The following PTP4A1 variants were observed in gnomAD, a reference collection of about 807,000 sequenced individuals.
PTP4A1 encodes protein tyrosine phosphatase 4A1, also known as protein tyrosine phosphatase type IVA 1.
Under a neutral mutation model 20.5 loss-of-function variants are expected in PTP4A1, and 9 were observed. The ratio of observed to expected loss-of-function variants is 0.44; its 90% confidence interval spans 0.26 to 0.77. The LOEUF (loss-of-function observed/expected upper bound fraction) is 0.77. PTP4A1 is among the 30% of genes least tolerant of loss of function. PTP4A1 has a pLI of 0.19. For synonymous variants in PTP4A1, 78 were observed against 67.4 expected, an observed-to-expected ratio of 1.16 and a Z score of -0.77; for missense variants, 137 against 218.8, an observed-to-expected ratio of 0.63 and a Z score of 2.36.
chr6:63,541,296 T>C (rs1321776447), intron 2 of PTP4A1, among the ~76,000 whole-genome samples: 1 of 152,064 alleles, frequency 6.6e-6, no homozygotes, highest in African/African-American at 2.4e-5. Flanking sequence ...TTGGATAATT[T>C]TGCTAAGGAA....
intron 1 of PTP4A1, among the ~76,000 whole-genome samples, chr6:63,572,936 G>C (rs1217169857): frequency 6.6e-6 from 1 of 152,186 alleles, no homozygotes; most frequent in African/African-American, 2.4e-5. Context: ...GGGGCTGCGG[G>C]GTGGCGGTTG....
intron 2 of PTP4A1, among the ~76,000 whole-genome samples, chr6:63,539,138 C>T (rs1028902262): frequency 1.3e-5 from 2 of 152,152 alleles, no homozygotes; most frequent in African/African-American, 4.8e-5. Flanking sequence ...AGGTGGTCCA[C>T]CCACCTTGGC....
chr6:63,526,835 ATTTATT>A (rs1381350205), intron 1 of PTP4A1, among the ~76,000 whole-genome samples: 1 of 129,030 alleles, frequency 7.8e-6, no homozygotes, highest in African/African-American at 3.0e-5. Context: ...ATATATATAT[ATTTATT>A]TATTTATTCT....
At chr6:63,540,045 C>A (rs1775890755) in intron 2 of PTP4A1, among the ~76,000 whole-genome samples, 1 of 152,078 alleles carries the variant, frequency 6.6e-6, no homozygotes, top group African/African-American at 2.4e-5. Context: ...TCTAGAGTTT[C>A]TTGGTCAAAT....
chr6:63,561,704 G>A (rs1173145368), intron 3 of PTP4A1, among the ~76,000 whole-genome samples: 1 of 152,158 alleles, frequency 6.6e-6, no homozygotes, highest in Non-Finnish European at 1.5e-5. Flanking sequence ...CCACAAACAT[G>A]ATACATAAAC....
At chr6:63,521,361 G>C (rs904029431), upstream of PTP4A1, among the ~76,000 whole-genome samples, 2 of 152,154 alleles carry the variant, frequency 1.3e-5, no homozygotes, top group African/African-American at 4.8e-5. Context: ...TTAAAAGTCA[G>C]ACAGATTTCA....
chr6:63,571,691 T>A (rs1318217754), upstream of PTP4A1: 1 of 152,252 alleles, frequency 6.6e-6, no homozygotes, highest in Admixed American at 6.5e-5. Flanking sequence ...AAAGGATGCA[T>A]GTGATTTCGA....
intron 2 of PTP4A1, among the ~76,000 whole-genome samples, chr6:63,528,719 C>T (rs1775303105): frequency 1.3e-5 from 2 of 152,032 alleles, no homozygotes; most frequent in Admixed American, 1.3e-4. Flanking sequence ...GCCAAGATTG[C>T]ACCACTGTAC....
Position 63,581,800 on chromosome 6 carries a change from C to T in PTP4A1, c.*1626C>T, listed in dbSNP as rs924990858. 6.6e-6 allele frequency: 1 copy of T among 152,090 alleles called. No homozygotes were observed. Among genetic ancestry groups the T allele is most frequent in the Non-Finnish European group, 1.5e-5 (1 of 68,000 alleles). The allele number at this position is 152,090 out of a possible 1,614,324, so 9.4% of individuals were successfully genotyped here. A position where few individuals can be genotyped will look rare whatever the true frequency, so the allele number is the denominator to read the frequency against. Reference sequence around the variant, plus strand: ...TTCTGAGCCTCAGTTTTCTCCTTTGCAAATTAATAATTACATACCTTTATA... The same window carrying T: ...TTCTGAGCCTCAGTTTTCTCCTTTGTAAATTAATAATTACATACCTTTATA... On this transcript the variant is annotated 3_prime_UTR_variant, in exon 6 of 6. Coordinates refer to ENST00000626021, the MANE Select transcript of PTP4A1 (RefSeq NM_003463.5).
chr6:63,567,993 A>C (rs571292681), upstream of PTP4A1, among the ~76,000 whole-genome samples: 5 of 152,334 alleles, frequency 3.3e-5, no homozygotes, highest in South Asian at 1.0e-3. Context: ...CTCAGCCTTC[A>C]TAAAAATGAA....
At chr6:63,551,379 T>G (rs1033347131) in intron 3 of PTP4A1, among the ~76,000 whole-genome samples, 5 of 152,166 alleles carry the variant, frequency 3.3e-5, no homozygotes, top group African/African-American at 4.8e-5. Context: ...GTGGGTAATT[T>G]GGGCAACAAC....
chr6:63,557,434 C>T (rs888300808), intron 3 of PTP4A1, among the ~76,000 whole-genome samples: 3 of 151,808 alleles, frequency 2.0e-5, no homozygotes, highest in South Asian at 2.1e-4. Flanking sequence ...GTGTAGTGTG[C>T]GTGCCTGTAA....
chr6:63,554,919 G>C (rs1022690777), intron 3 of PTP4A1, among the ~76,000 whole-genome samples: 2 of 152,216 alleles, frequency 1.3e-5, no homozygotes, highest in Admixed American at 6.5e-5. Flanking sequence ...GATTTTCACA[G>C]AAATTATGTT....
chr6:63,518,201 T>C (rs951054868), upstream of PTP4A1, among the ~76,000 whole-genome samples: 1 of 152,046 alleles, frequency 6.6e-6, no homozygotes, highest in South Asian at 2.1e-4. Context: ...GACTATCCCT[T>C]TACTATGGAA....
At position 63,582,137 on chromosome 6, in the gene PTP4A1, G is replaced by A. The variant is rs185421858; in HGVS notation, c.*1963G>A. The A allele has an allele frequency of 1.6e-4, 24 of 151,658 alleles. No individual in the cohort carries two copies. In the East Asian group the frequency reaches 4.6e-3, roughly 29 times the overall value. 9.4% of individuals were successfully genotyped at this position (151,658 alleles called of 1,614,324 possible). A position where few individuals can be genotyped will look rare whatever the true frequency, so the allele number is the denominator to read the frequency against. On this transcript the variant is annotated 3_prime_UTR_variant, in exon 6 of 6. Coordinates refer to ENST00000626021, the MANE Select transcript of PTP4A1 (RefSeq NM_003463.5). ...GGAGGCCCTTGGTTATTTAAATCTTGGATTATTTGTGATAGTAATCACAAA... is the reference window on the plus strand; with the variant it reads ...GGAGGCCCTTGGTTATTTAAATCTTAGATTATTTGTGATAGTAATCACAAA...
intron 1 of PTP4A1, among the ~76,000 whole-genome samples, chr6:63,525,293 G>A (rs548977946): frequency 6.6e-6 from 1 of 152,322 alleles, no homozygotes; most frequent in African/African-American, 2.4e-5. Context: ...TGATGCTGAA[G>A]CCGGTTGTGG....
chr6:63,529,217 G>GTGTATATATATATATGTATAT (rs1775344989), intron 2 of PTP4A1, among the ~76,000 whole-genome samples: 2 of 146,560 alleles, frequency 1.4e-5, no homozygotes, highest in African/African-American at 5.0e-5. Context: ...ATATATATTT[G>GTGTATATATATATATGTATAT]CTAATAACTT....
intron 1 of PTP4A1, among the ~76,000 whole-genome samples, chr6:63,525,360 G>A (rs933578331): frequency 6.6e-6 from 1 of 152,166 alleles, no homozygotes; most frequent in South Asian, 2.1e-4. Context: ...GCCAATGGGG[G>A]AGCTAGAGAG....
chr6:63,520,601 A>C (rs1774883200), upstream of PTP4A1, among the ~76,000 whole-genome samples: 1 of 151,708 alleles, frequency 6.6e-6, no homozygotes, highest in Non-Finnish European at 1.5e-5. Context: ...ACTTCACTCC[A>C]GCCTGGGTGA....
Sources: gnomAD v4.1 joint callset for allele counts (sites outside exome capture counted in the v4.1 genomes callset) on GRCh38, gnomAD v4.1.1 for gene constraint, MANE v1.5 for transcripts, NCBI Gene and HGNC (gene_info 2026-07-23, HGNC 2026-07-21) for gene names.